The following RGS10 variants were observed in gnomAD, a reference collection of about 807,000 sequenced individuals.
RGS10 encodes regulator of G protein signaling 10.
In RGS10, 11 loss-of-function variants were observed where a neutral mutation model predicts 23.5. The ratio of observed to expected loss-of-function variants is 0.47; its 90% CI spans 0.29 to 0.77. The LOEUF (loss-of-function observed/expected upper bound fraction) is 0.77, where lower values mean the gene tolerates loss of function less well. Ranked by LOEUF, RGS10 falls within the 30% of genes least tolerant of loss-of-function variation. The pLI is 0.08. For synonymous variants in RGS10, 77 were observed against 83.2 expected, an observed-to-expected ratio of 0.92 and a Z score of 0.41; for missense variants, 180 against 226.3, an observed-to-expected ratio of 0.80 and a Z score of 1.31.
intron 1 of RGS10, among the ~76,000 whole-genome samples, chr10:119,537,889 C>T (rs1844403958): frequency 6.6e-6 from 1 of 152,144 alleles, no homozygotes; most frequent in Non-Finnish European, 1.5e-5. Context: ...GCAGGACATA[C>T]AAAAGGGAGT....
intron 4 of RGS10, among the ~76,000 whole-genome samples, chr10:119,506,172 G>T (rs1045335859): frequency 6.6e-6 from 1 of 152,274 alleles, no homozygotes; most frequent in East Asian, 1.9e-4. Flanking sequence ...CGAGGCTGTC[G>T]GGGCAAGGCG....
intron 4 of RGS10, among the ~76,000 whole-genome samples, chr10:119,505,322 CTTTTTTTTTT>C (rs11317053): frequency 2.2e-5 from 2 of 90,066 alleles, no homozygotes; most frequent in African/African-American, 9.0e-5. Flanking sequence ...CATTCTGCAT[CTTTTTTTTTT>C]TTTTTTTTTT....
At chr10:119,518,466 C>T (rs888860309) in intron 3 of RGS10, among the ~76,000 whole-genome samples, 4 of 152,224 alleles carry the variant, frequency 2.6e-5, no homozygotes, top group Non-Finnish European at 5.9e-5. Context: ...CAGACGTCAG[C>T]TCTCGAACCC....
rs902990250 is a variant in RGS10 at position 119,524,553 on chromosome 10, C to A, written c.255+1479G>T. 3.3e-5 allele frequency among the ~76,000 whole-genome samples: 5 copies of A among 152,042 alleles called. No individual in the cohort carries two copies. The highest frequency in any genetic ancestry group is 5.9e-5 in the Non-Finnish European group (4 of 68,030). On this transcript the variant is annotated intron_variant, in intron 3 of 4. Coordinates refer to ENST00000369103, the MANE Select transcript of RGS10 (RefSeq NM_001005339.2). The surrounding 1 kb of genome is among the most constrained non-coding windows in gnomAD (Gnocchi z 5.2). ...AGTCTAGCATTTATCGATGGTGGTC[C>A]CCAGGCCCTGTCCTCGGTGCTGGAG...
intron 3 of RGS10, among the ~76,000 whole-genome samples, chr10:119,525,030 T>G (rs1225014200): frequency 1.4e-5 from 2 of 140,104 alleles, no homozygotes; most frequent in Non-Finnish European, 2.9e-5. Context: ...AAGCCGCATC[T>G]GCCCATGGGT....
At chr10:119,506,691 C>A (rs1247754581) in intron 4 of RGS10, among the ~76,000 whole-genome samples, 2 of 152,120 alleles carry the variant, frequency 1.3e-5, no homozygotes, top group Non-Finnish European at 2.9e-5. Flanking sequence ...TCCTCTTCCC[C>A]CAAATACTTT....
intron 4 of RGS10, among the ~76,000 whole-genome samples, chr10:119,507,341 T>G (rs1026016003): frequency 6.6e-6 from 1 of 152,000 alleles, no homozygotes; most frequent in African/African-American, 2.4e-5. Flanking sequence ...GGAGAAATAA[T>G]GGGGCAAGGG....
intron 1 of RGS10, among the ~76,000 whole-genome samples, chr10:119,531,676 A>G (rs1243398496): frequency 6.6e-6 from 1 of 152,200 alleles, no homozygotes; most frequent in African/African-American, 2.4e-5. Context: ...GCAAAAATCC[A>G]GAAGATAGAA....
intron 3 of RGS10, among the ~76,000 whole-genome samples, chr10:119,523,200 G>C (rs968426654): frequency 2.0e-5 from 3 of 152,024 alleles, no homozygotes; most frequent in African/African-American, 7.2e-5. Context: ...CTGCATCTTC[G>C]AATGGGAACA....
In RGS10 at chr10:119,542,619, C is replaced by T; in HGVS notation, c.20G>A (p.Ser7Asn). ...CGGCGGCCGCTTCCTGCTCAGCCGG[C>T]TCACGGCGCGGTTGAACATCGCCGC... MFNRAV[S>N]RLSRKRPPSD... Residue 7 changes from serine to asparagine, a missense_variant, in exon 1 of 5, where the codon AGC becomes AAC. Coordinates refer to ENST00000369103, the MANE Select transcript of RGS10 (RefSeq NM_001005339.2). 1 of 1,427,370 alleles carries T rather than the reference C, an allele frequency of 7.0e-7. No individual in the cohort carries two copies. The highest frequency in any genetic ancestry group is 1.4e-5 in the South Asian group (1 of 72,176). 88.4% of individuals were successfully genotyped at this position (1,427,370 alleles called of 1,614,324 possible). A position where few individuals can be genotyped will look rare whatever the true frequency, so the allele number is the denominator to read the frequency against.
At chr10:119,529,819 C>T (rs1031310432) in intron 1 of RGS10, among the ~76,000 whole-genome samples, 3 of 152,144 alleles carry the variant, frequency 2.0e-5, no homozygotes, top group African/African-American at 4.8e-5. Context: ...CAAGGCCGGG[C>T]GAGGTGGCTC....
chr10:119,522,596 T>C (rs1165994712), intron 3 of RGS10, among the ~76,000 whole-genome samples: 1 of 151,776 alleles, frequency 6.6e-6, no homozygotes, highest in Non-Finnish European at 1.5e-5. Flanking sequence ...CACATGCCTG[T>C]AATCCCAGCT....
chr10:119,525,973 T>C, intron 3 of RGS10, 59 bp downstream of exon 3: 1 of 894,784 alleles, frequency 1.1e-6, no homozygotes, highest in Non-Finnish European at 1.7e-6. Context: ...CTTCAGAATC[T>C]ATTGGAAAGG....
At chr10:119,519,146 G>C (rs147041987) in intron 3 of RGS10, among the ~76,000 whole-genome samples, 26 of 152,318 alleles carry the variant, frequency 1.7e-4, no homozygotes, top group African/African-American at 6.0e-4. Flanking sequence ...CCCAGGCAGC[G>C]AGGCCTCTCA....
At chr10:119,521,606 AAAGAAAGGAAGGAAGGAAAGAAAGGAAGG>A (rs796307591) in intron 3 of RGS10, among the ~76,000 whole-genome samples, 18,912 of 125,974 alleles carry the variant, frequency 0.15, 1,325 homozygotes, top group Middle Eastern at 0.23. Flanking sequence ...GGAAGGAAAG[AAAGAAAGGAAGGAAGGAAAGAAAGGAAGG>A]AAGGAAGGAA....
In RGS10 at chr10:119,527,633, TG is replaced by T. The variant is rs920240056; in HGVS notation, c.50-210del. Among the ~76,000 whole-genome samples the T allele has an allele frequency of 6.6e-6, 1 of 152,146 alleles. No individual in the cohort carries two copies. The highest frequency in any genetic ancestry group is 2.4e-5 in the African/African-American group (1 of 41,444). ...ACTACTATTTCCTCCATTTTACAGA[TG>T]GGGGTAAACTGAGGCTCGGAGGGAT... On this transcript the variant is annotated intron_variant, in intron 1 of 4. Coordinates refer to ENST00000369103, the MANE Select transcript of RGS10 (RefSeq NM_001005339.2). This position sits in a 1 kb window ranked among gnomAD's most constrained non-coding sequence, Gnocchi z 4.2.
At position 119,536,455 on chromosome 10, in the gene RGS10, AT is replaced by A. The variant is rs765029479; in HGVS notation, c.49+6134del. On this transcript the variant is annotated intron_variant, in intron 1 of 4. Coordinates refer to ENST00000369103, the MANE Select transcript of RGS10 (RefSeq NM_001005339.2). ...GCGGACATGGAAAGGGGTGGGGGCG[AT>A]TCCTTACGTTCCATGCTCTGGTGTC... The A allele has an allele frequency of 1.9e-6, 3 of 1,613,140 alleles. No individual in the cohort carries two copies. The South Asian group carries it at 3.3e-5, about 18-fold the overall frequency.
chr10:119,527,540 C>T lies in RGS10; in HGVS notation c.50-116G>A, dbSNP rs1844290395. 10 of 770,366 alleles carry T rather than the reference C, an allele frequency of 1.3e-5. No homozygotes were observed. The highest frequency in any genetic ancestry group is 2.0e-5 in the Non-Finnish European group (9 of 440,752). 47.7% of individuals were successfully genotyped at this position (770,366 alleles called of 1,614,324 possible). A position where few individuals can be genotyped will look rare whatever the true frequency, so the allele number is the denominator to read the frequency against. The stretch of plus-strand genomic sequence containing the variant: ...CACGGCTGACATACACCGACTTATG[C>T]GTCAGGCTCTGTTCTAGGTGCTTAA... On this transcript the variant is annotated intron_variant, in intron 1 of 4. Transcript: ENST00000369103. This position sits in a 1 kb window ranked among gnomAD's most constrained non-coding sequence, Gnocchi z 4.2.
At chr10:119,535,836 C>CGT in intron 1 of RGS10, among the ~76,000 whole-genome samples, 1 of 152,298 alleles carries the variant, frequency 6.6e-6, no homozygotes, top group South Asian at 2.1e-4. Flanking sequence ...CATGCACAGG[C>CGT]GTGCACACAC....
Sources: allele counts gnomAD v4.1 joint callset (sites outside exome capture counted in the v4.1 genomes callset), GRCh38; gene constraint gnomAD v4.1.1; non-coding constraint Gnocchi (gnomAD v3.1); transcripts MANE v1.5; gene names NCBI Gene and HGNC (gene_info 2026-07-23, HGNC 2026-07-21).